NR5A2: variants seen among roughly 807,000 people sequenced by gnomAD.
The protein encoded by NR5A2 is CYP7A promoter-binding factor.
In NR5A2, 26 loss-of-function variants were observed where a neutral mutation model predicts 62.7. The observed-to-expected ratio is 0.41, with a 90% CI of 0.30 to 0.58. The LOEUF is 0.58. NR5A2 is among the 20% of genes least tolerant of loss of function. The pLI is 0.22. For missense variants in NR5A2, 541 were observed against 669.1 expected (o/e 0.81, Z 2.11); for synonymous variants, 246 against 241.7 (o/e 1.02, Z -0.16).
intron 5 of NR5A2, among the ~76,000 whole-genome samples, chr1:200,106,746 C>G (rs1217706314): frequency 6.6e-6 from 1 of 152,086 alleles, no homozygotes; most frequent in Non-Finnish European, 1.5e-5. Flanking sequence ...CCCACACCCC[C>G]ATAACTCTGT....
At chr1:200,156,055 A>T (rs1053413750) in intron 7 of NR5A2, among the ~76,000 whole-genome samples, 1 of 152,208 alleles carries the variant, frequency 6.6e-6, no homozygotes, top group African/African-American at 2.4e-5. Flanking sequence ...TTAGAGAACT[A>T]TGAGTGGTCG....
At chr1:200,145,469 TG>T (rs1553277852) in intron 7 of NR5A2, among the ~76,000 whole-genome samples, 1 of 8,744 alleles carries the variant, frequency 1.1e-4, no homozygotes, top group African/African-American at 7.7e-4. Flanking sequence ...TGATAGAATT[TG>T]TGTGTGTGTG....
intron 5 of NR5A2, among the ~76,000 whole-genome samples, chr1:200,095,514 C>A (rs1665046292): frequency 1.3e-5 from 2 of 152,244 alleles, no homozygotes; most frequent in East Asian, 3.9e-4. Flanking sequence ...ATGATTACTA[C>A]TTGGTATCTT....
At chr1:200,134,526 C>T (rs950528048) in intron 7 of NR5A2, among the ~76,000 whole-genome samples, 2 of 152,120 alleles carry the variant, frequency 1.3e-5, no homozygotes, top group African/African-American at 2.4e-5. Flanking sequence ...CCACATATCC[C>T]GGGTGTGTAG....
intron 7 of NR5A2, among the ~76,000 whole-genome samples, chr1:200,161,958 C>A (rs962423734): frequency 1.3e-5 from 2 of 152,150 alleles, no homozygotes; most frequent in South Asian, 4.1e-4. Context: ...TGAGAGAATG[C>A]AATCTAGCAG....
intron 1 of NR5A2, 68 bp downstream of exon 1, chr1:200,027,979 T>G: frequency 8.8e-7 from 1 of 1,142,022 alleles, no homozygotes; most frequent in East Asian, 2.5e-5. Flanking sequence ...TTAATCTTGT[T>G]GATGGATTTT....
rs1665937937 is a variant in NR5A2 at position 200,111,336 on chromosome 1, C to CTAAA, written c.1230+15_1230+16insTAAA. 1.4e-5 allele frequency: 16 copies of CTAAA among 1,158,968 alleles called. No individual in the cohort carries two copies. The highest frequency in any genetic ancestry group is 7.0e-5 in the African/African-American group (4 of 57,204). The allele number at this position is 1,158,968 out of a possible 1,614,324, so 71.8% of individuals were successfully genotyped here. ...CTGGGCAACAAGTGAGTGTAGAGAC[C>CTAAA]AAAAAAAAAAAAAAAGCATCTTTTT... On this transcript the variant is annotated intron_variant, in intron 6 of 7. Coordinates refer to ENST00000367362, the MANE Select transcript of NR5A2 (RefSeq NM_205860.3).
chr1:200,058,833 G>C (rs1558111911), intron 5 of NR5A2, among the ~76,000 whole-genome samples: 1 of 149,694 alleles, frequency 6.7e-6, no homozygotes, highest in East Asian at 2.0e-4. Flanking sequence ...GGCCCAGACA[G>C]GTGCGGTGGC....
At chr1:200,168,918 C>T (rs1654040371) in intron 7 of NR5A2, among the ~76,000 whole-genome samples, 1 of 152,158 alleles carries the variant, frequency 6.6e-6, no homozygotes, top group Non-Finnish European at 1.5e-5. Context: ...GAGGAAAGGG[C>T]CTTCTGAGGG....
chr1:200,063,216 G>T (rs969084420), intron 5 of NR5A2, among the ~76,000 whole-genome samples: 1 of 152,102 alleles, frequency 6.6e-6, no homozygotes, highest in Admixed American at 6.5e-5. Context: ...AGTGGAGACA[G>T]TGTTTCACCA....
At position 200,147,506 on chromosome 1, in the gene NR5A2, A is replaced by G; in HGVS notation, c.1379-26457A>G. ...CAATTTGATCTGTTTCTTCATCCTT[A>G]AAATTTCTGCTGCTTTTGCTGTTTC... On this transcript the variant is annotated intron_variant, in intron 7 of 7. Coordinates refer to ENST00000367362, the MANE Select transcript of NR5A2 (RefSeq NM_205860.3). The surrounding 1 kb of genome is among the most constrained non-coding windows in gnomAD (Gnocchi z 4.9). The G allele has an allele frequency of 1.5e-6, 1 of 647,584 alleles. No homozygotes were observed. The highest frequency in any genetic ancestry group is 1.4e-5 in the South Asian group (1 of 73,390). The allele number at this position is 647,584 out of a possible 1,614,324, so 40.1% of individuals were successfully genotyped here.
chr1:200,030,763 ATATTT>A (rs1661519927), intron 1 of NR5A2, among the ~76,000 whole-genome samples: 1 of 152,236 alleles, frequency 6.6e-6, no homozygotes, highest in African/African-American at 2.4e-5. Context: ...CATTTGCAGA[ATATTT>A]TATGCACTCA....
At chr1:200,063,598 A>T (rs542202745) in intron 5 of NR5A2, among the ~76,000 whole-genome samples, 1 of 152,314 alleles carries the variant, frequency 6.6e-6, no homozygotes, top group African/African-American at 2.4e-5. Context: ...ACTTCATTTC[A>T]GTCATATTTG....
intron 1 of NR5A2, among the ~76,000 whole-genome samples, chr1:200,036,983 C>A (rs3790848): frequency 0.25 from 38,049 of 152,078 alleles, 5,939 homozygotes; most frequent in East Asian, 0.66. Context: ...CGCACCCCTC[C>A]CATTTTGTGA....
chr1:200,077,017 A>G (rs1475884501), intron 5 of NR5A2, among the ~76,000 whole-genome samples: 1 of 152,254 alleles, frequency 6.6e-6, no homozygotes, highest in Non-Finnish European at 1.5e-5. Flanking sequence ...TATACAAACT[A>G]TCCTTTTTCA....
At chr1:200,065,295 C>A (rs534285334) in intron 5 of NR5A2, among the ~76,000 whole-genome samples, 1 of 152,066 alleles carries the variant, frequency 6.6e-6, no homozygotes, top group South Asian at 2.1e-4. Flanking sequence ...AGGTGTGCAC[C>A]ACCACATGCA....
intron 5 of NR5A2, among the ~76,000 whole-genome samples, chr1:200,099,633 G>A (rs762809532): frequency 6.6e-5 from 10 of 151,914 alleles, no homozygotes; most frequent in Non-Finnish European, 1.0e-4. Flanking sequence ...TTGCTCTGTC[G>A]CCCGGGCTGG....
At position 200,033,746 on chromosome 1, in the gene NR5A2, A is replaced by G. The variant is rs145638821; in HGVS notation, c.64+5835A>G. Among the ~76,000 whole-genome samples the G allele has an allele frequency of 4.6e-5, 7 of 152,308 alleles. No homozygotes were observed. The East Asian group carries it at 1.2e-3, about 25-fold the overall frequency. ...AGTTATCACCATGTTGGAAAAGCCC[A>G]CGCCCTTCTAATTGTGCAACCTCTG... is the stretch of plus-strand genomic sequence containing the variant. On this transcript the variant is annotated intron_variant, in intron 1 of 7. Coordinates refer to ENST00000367362, the MANE Select transcript of NR5A2 (RefSeq NM_205860.3).
chr1:200,124,956 T>C (rs1279818709), intron 7 of NR5A2, among the ~76,000 whole-genome samples: 1 of 151,812 alleles, frequency 6.6e-6, no homozygotes, highest in East Asian at 1.9e-4. Context: ...GCGAAGCCTT[T>C]ACCGAAGCAA....
Sources: allele counts gnomAD v4.1 joint callset (sites outside exome capture counted in the v4.1 genomes callset), GRCh38; gene constraint gnomAD v4.1.1; non-coding constraint Gnocchi (gnomAD v3.1); transcripts MANE v1.5; gene names NCBI Gene and HGNC (gene_info 2026-07-23, HGNC 2026-07-21).